Variants in NANOS3 observed in about 807,000 individuals in gnomAD.
NANOS3 encodes the protein nanos C2HC-type zinc finger 3.
NANOS3 carries 11 observed loss-of-function variants against 13.8 expected under a neutral mutation model. The ratio of observed to expected loss-of-function variants is 0.80; its 90% CI spans 0.50 to 1.32. The LOEUF (loss-of-function observed/expected upper bound fraction) is 1.32, where lower values mean the gene tolerates loss of function less well. NANOS3 is among the 40% of genes most tolerant of loss of function. The pLI is 0.00. For synonymous variants in NANOS3, 119 were observed against 115.4 expected (o/e 1.03, Z -0.20); for missense variants, 221 against 263.8 (o/e 0.84, Z 1.12).
chr19:13,868,354 C>T (rs116244188), intron 1 of NANOS3, among the ~76,000 whole-genome samples: 78 of 152,026 alleles, frequency 5.1e-4, no homozygotes, highest in Middle Eastern at 3.4e-3. Context: ...CCAGTGCGTC[C>T]GGCCCCAATA....
chr19:13,878,828 G>C (rs1968572286), intron 1 of NANOS3, among the ~76,000 whole-genome samples: 1 of 151,510 alleles, frequency 6.6e-6, no homozygotes, highest in Admixed American at 6.6e-5. Context: ...TGTTTCCCAG[G>C]CCGGTCTCAA....
chr19:13,878,603 CTT>C (rs57017103), intron 1 of NANOS3, among the ~76,000 whole-genome samples: 4 of 145,220 alleles, frequency 2.8e-5, no homozygotes, highest in African/African-American at 1.0e-4. Flanking sequence ...ATTTTTCTTC[CTT>C]TTTTTTTTTA....
In NANOS3 at chr19:13,867,841, C is replaced by T. The variant is rs141051594; in HGVS notation, n.21+2404C>T. On this transcript the variant is annotated intron_variant and non_coding_transcript_variant, in intron 1 of 2. Transcript: ENST00000591161. ...TGTCACCCACAAAGATATATGAGCA[C>T]GAACCCAGTGGCCATATGCCCATCG... 3.6e-4 allele frequency among the ~76,000 whole-genome samples: 55 copies of T among 152,212 alleles called. No individual in the cohort carries two copies. The South Asian group carries it at 8.7e-3, about 24-fold the overall frequency.
At position 13,880,540 on chromosome 19, in the gene NANOS3, G is replaced by C; in HGVS notation, c.*37G>C. 1 of 1,598,818 alleles carries C rather than the reference G, an allele frequency of 6.3e-7. No homozygotes were observed. The highest frequency in any genetic ancestry group is 8.6e-7 in the Non-Finnish European group (1 of 1,167,202). ...CACCTGGGCAAGGGCACCCGGGCTC[G>C]GCTGGATTTCCAGGAAGACCCACCC... On this transcript the variant is annotated 3_prime_UTR_variant, in exon 2 of 2. Coordinates refer to ENST00000339133, the MANE Select transcript of NANOS3 (RefSeq NM_001098622.3).
intron 1 of NANOS3, among the ~76,000 whole-genome samples, chr19:13,867,050 C>G (rs141278635): frequency 0.015 from 2,331 of 152,324 alleles, 60 homozygotes; most frequent in African/African-American, 0.054. Flanking sequence ...AAGCAATTCT[C>G]TTGCCTCAGC....
upstream of NANOS3, chr19:13,874,819 ACT>A (rs1317366986): frequency 1.9e-6 from 1 of 531,012 alleles, no homozygotes; most frequent in Non-Finnish European, 3.9e-6. Context: ...CCTGCCGGTG[ACT>A]CTGACCTTCC....
chr19:13,871,673 AC>A (rs1217265777), intron 1 of NANOS3, among the ~76,000 whole-genome samples: 3 of 151,434 alleles, frequency 2.0e-5, no homozygotes, highest in Non-Finnish European at 4.4e-5. Context: ...CTGCCTGATG[AC>A]CCCCCGCCCC....
At chr19:13,863,989 T>G (rs1053422953), upstream of NANOS3, among the ~76,000 whole-genome samples, 17 of 151,878 alleles carry the variant, frequency 1.1e-4, no homozygotes, top group African/African-American at 4.1e-4. Flanking sequence ...AGTCAAAGGT[T>G]TCTCCATCCC....
rs1033997684 is a variant in NANOS3 at position 13,877,137 on chromosome 19, C to A, written c.-112C>A. 1.1e-6 allele frequency: 1 copy of A among 923,450 alleles called. No individual in the cohort carries two copies. The highest frequency in any genetic ancestry group is 1.7e-6 in the Non-Finnish European group (1 of 600,302). 57.2% of individuals were successfully genotyped at this position (923,450 alleles called of 1,614,324 possible). A position where few individuals can be genotyped will look rare whatever the true frequency, so the allele number is the denominator to read the frequency against. Reference sequence around the variant, plus strand: ...GGGTCGGCCAGCACAGACTCCCAGGCTCCAGAGAGGGGAAGGAAGGGGCAG... The same window carrying A: ...GGGTCGGCCAGCACAGACTCCCAGGATCCAGAGAGGGGAAGGAAGGGGCAG... On this transcript the variant is annotated 5_prime_UTR_variant, in exon 1 of 2. Coordinates refer to ENST00000339133, the MANE Select transcript of NANOS3 (RefSeq NM_001098622.3).
chr19:13,880,592 C>G lies in NANOS3; in HGVS notation c.*89C>G, dbSNP rs1968618362. ...ATGACGACTGCCCCCACTCCCAGAC[C>G]CTCCCCCCAGCCTGGGATTGAGCCC... is the stretch of plus-strand genomic sequence containing the variant. On this transcript the variant is annotated 3_prime_UTR_variant, in exon 2 of 2. Transcript: ENST00000339133. The G allele has an allele frequency of 1.8e-6, 2 of 1,101,784 alleles. No individual in the cohort carries two copies. The highest frequency in any genetic ancestry group is 2.8e-6 in the Non-Finnish European group (2 of 725,418). The allele number at this position is 1,101,784 out of a possible 1,614,324, so 68.3% of individuals were successfully genotyped here.
At chr19:13,869,182 T>A (rs549019969) in intron 1 of NANOS3, among the ~76,000 whole-genome samples, 25 of 152,236 alleles carry the variant, frequency 1.6e-4, no homozygotes, top group Non-Finnish European at 2.8e-4. Flanking sequence ...AAAATTTTTT[T>A]AATTTGTTTT....
upstream of NANOS3, among the ~76,000 whole-genome samples, chr19:13,864,825 C>CT (rs1390468160): frequency 1.3e-5 from 2 of 152,154 alleles, no homozygotes; most frequent in East Asian, 3.9e-4. Flanking sequence ...GGGTGTCCCT[C>CT]TGTGTGTAGC....
chr19:13,871,802 T>C (rs539979547), intron 1 of NANOS3, among the ~76,000 whole-genome samples: 2 of 151,704 alleles, frequency 1.3e-5, no homozygotes, highest in East Asian at 3.9e-4. Context: ...CTGGGCAACA[T>C]AGTGAGATCT....
At chr19:13,866,122 T>C (rs1444878739) in intron 1 of NANOS3, among the ~76,000 whole-genome samples, 2 of 152,028 alleles carry the variant, frequency 1.3e-5, no homozygotes, top group South Asian at 2.1e-4. Context: ...CTGCAGGGTA[T>C]TTACTGGGGC....
upstream of NANOS3, chr19:13,874,912 C>T (rs770759381): frequency 1.7e-5 from 9 of 529,202 alleles, no homozygotes; most frequent in East Asian, 4.9e-4. Context: ...TCACAATCAA[C>T]ATTCATTGTT....
At chr19:13,874,838 A>AG (rs776540682), upstream of NANOS3, 3 of 527,822 alleles carry the variant, frequency 5.7e-6, no homozygotes, top group South Asian at 2.8e-5. Flanking sequence ...TTCCAGATCT[A>AG]GGGGGGCCTG....
intron 1 of NANOS3, among the ~76,000 whole-genome samples, chr19:13,878,703 C>T (rs906983323): frequency 2.0e-5 from 3 of 150,690 alleles, no homozygotes; most frequent in African/African-American, 7.3e-5. Flanking sequence ...CAACCTCTGC[C>T]TCCTGGGTTC....
intron 1 of NANOS3, 88 bp from the exon 2 acceptor site, chr19:13,880,354 C>A: frequency 8.0e-7 from 1 of 1,252,560 alleles, no homozygotes; most frequent in South Asian, 1.3e-5. Flanking sequence ...AGAGGTCCAG[C>A]AGGCCCGGAG....
chr19:13,865,690 T>C (rs1976225827), intron 1 of NANOS3, among the ~76,000 whole-genome samples: 1 of 140,176 alleles, frequency 7.1e-6, no homozygotes, highest in African/African-American at 2.7e-5. Context: ...GGTCGGACTC[T>C]GCAAAGGGGA....
Sources: gnomAD v4.1 joint callset for allele counts (sites outside exome capture counted in the v4.1 genomes callset) on GRCh38, gnomAD v4.1.1 for gene constraint, MANE v1.5 for transcripts, NCBI Gene and HGNC (gene_info 2026-07-23, HGNC 2026-07-21) for gene names.